ROBO2: variants seen among roughly 807,000 people sequenced by gnomAD.
ROBO2 encodes the protein roundabout homolog 2.
In ROBO2, 53 loss-of-function variants were observed where a neutral mutation model predicts 160.8. That is an observed-to-expected ratio of 0.33 (90% CI 0.26 to 0.41). The LOEUF (loss-of-function observed/expected upper bound fraction) is 0.41, where lower values mean the gene tolerates loss of function less well. Ranked by LOEUF, ROBO2 falls within the 10% of genes least tolerant of loss-of-function variation. The pLI is 1.00. For synonymous variants in ROBO2, 664 were observed against 611.7 expected (o/e 1.09, Z -1.26); for missense variants, 1,577 against 1,722.4 (o/e 0.92, Z 1.49).
intron 2 of ROBO2, among the ~76,000 whole-genome samples, chr3:76,136,252 G>A (rs1229606012): frequency 6.6e-6 from 1 of 152,082 alleles, no homozygotes; most frequent in Non-Finnish European, 1.5e-5. Context: ...GAAGTTGACA[G>A]TGCTGTAAGA....
At chr3:75,937,841 T>TTTTATATATATATATATA (rs1222398160) in intron 2 of ROBO2, among the ~76,000 whole-genome samples, 1 of 105,526 alleles carries the variant, frequency 9.5e-6, no homozygotes, top group Non-Finnish European at 1.8e-5. Flanking sequence ...GGAATTGATT[T>TTTTATATATATATATATA]TATATATATA....
At chr3:76,968,492 A>T (rs2149270718) in intron 2 of ROBO2, among the ~76,000 whole-genome samples, 1 of 152,278 alleles carries the variant, frequency 6.6e-6, no homozygotes, top group East Asian at 1.9e-4. Flanking sequence ...TCAATAGTTA[A>T]GTTATTGTTT....
At chr3:76,690,876 T>G (rs1187930077) in intron 2 of ROBO2, among the ~76,000 whole-genome samples, 1 of 152,042 alleles carries the variant, frequency 6.6e-6, no homozygotes, top group Non-Finnish European at 1.5e-5. Context: ...TGCATGTGCC[T>G]TCTAAAACTC....
At chr3:76,973,682 G>A (rs912183737) in intron 2 of ROBO2, among the ~76,000 whole-genome samples, 7 of 152,036 alleles carry the variant, frequency 4.6e-5, no homozygotes, top group Admixed American at 2.6e-4. Context: ...TTTTCTGAAC[G>A]TTAGATTTCT....
intron 2 of ROBO2, among the ~76,000 whole-genome samples, chr3:77,313,000 A>T (rs2063677927): frequency 6.6e-6 from 1 of 152,214 alleles, no homozygotes; most frequent in Non-Finnish European, 1.5e-5. Context: ...ATTTCTTAAA[A>T]TTTCTAATTG....
In ROBO2 at chr3:76,886,046, G is replaced by A. The variant is rs1442265895; in HGVS notation, c.110-211968G>A. Reference sequence around the variant, plus strand: ...TTCCCCCAAGGTAGACTGAGGTACAGCAGTTCATGCCGCCTTTTGAAGATG... The same window carrying A: ...TTCCCCCAAGGTAGACTGAGGTACAACAGTTCATGCCGCCTTTTGAAGATG... On this transcript the variant is annotated intron_variant, in intron 2 of 26. Coordinates refer to the ROBO2 transcript ENST00000487694. Among the ~76,000 whole-genome samples the A allele has an allele frequency of 2.0e-5, 3 of 152,152 alleles. No individual in the cohort carries two copies. The East Asian group carries it at 5.8e-4, about 29-fold the overall frequency.
At chr3:77,483,009 G>A (rs1181019648) in intron 4 of ROBO2, among the ~76,000 whole-genome samples, 2 of 152,100 alleles carry the variant, frequency 1.3e-5, no homozygotes, top group Admixed American at 1.3e-4. Flanking sequence ...GAAATGATGA[G>A]AACTACTGGG....
chr3:77,522,344 T>C (rs2090688667), intron 5 of ROBO2, among the ~76,000 whole-genome samples: 1 of 151,332 alleles, frequency 6.6e-6, no homozygotes, highest in African/African-American at 2.4e-5. Flanking sequence ...AAAATTTTGT[T>C]CTTTAATATA....
intron 2 of ROBO2, among the ~76,000 whole-genome samples, chr3:77,310,859 A>AT (rs2153422139): frequency 6.6e-6 from 1 of 152,090 alleles, no homozygotes; most frequent in African/African-American, 2.4e-5. Flanking sequence ...AAGTGAAAAA[A>AT]AAAAAATAAA....
rs187918861 is a variant in ROBO2, at chr3:77,334,670, T to C, written c.389-142744T>C. On this transcript the variant is annotated intron_variant, in intron 2 of 25. Transcript: ENST00000461745. ...GAGGCAATAGCTCTCTAGTAGTGCT[T>C]GGGGTAGTGACAGATACTTTCAAGA... Among the ~76,000 whole-genome samples, 660 of 152,170 alleles carry C rather than the reference T, an allele frequency of 4.3e-3. 1 individual carries two copies. Among genetic ancestry groups the C allele is most frequent in the Non-Finnish European group, 6.0e-3 (411 of 68,002 alleles).
chr3:77,344,861 A>T (rs79867095), intron 2 of ROBO2, among the ~76,000 whole-genome samples: 1 of 152,126 alleles, frequency 6.6e-6, no homozygotes, highest in Non-Finnish European at 1.5e-5. Flanking sequence ...TGTTTTCTCC[A>T]TGAACATACT....
intron 2 of ROBO2, among the ~76,000 whole-genome samples, chr3:76,215,632 C>G (rs1425424322): frequency 1.3e-5 from 2 of 152,128 alleles, no homozygotes; most frequent in African/African-American, 4.8e-5. Context: ...AAGAAATGAA[C>G]AAAGACTCCA....
At chr3:77,645,939 C>T in intron 25 of ROBO2, 115 bp from the exon 28 acceptor site, 2 of 630,246 alleles carry the variant, frequency 3.2e-6, no homozygotes, top group East Asian at 5.8e-5. Context: ...ACAAACTCAT[C>T]TATCTGAAGA....
chr3:77,364,805 G>A (rs1256752253), intron 2 of ROBO2, among the ~76,000 whole-genome samples: 2 of 152,154 alleles, frequency 1.3e-5, no homozygotes, highest in East Asian at 1.9e-4. Flanking sequence ...GATGGGAGAG[G>A]AGAATGTGAA....
rs183899488 is a variant in ROBO2, at chr3:77,584,944, A to G, written c.2501-3807A>G. Among the ~76,000 whole-genome samples the G allele has an allele frequency of 1.2e-3, 183 of 149,346 alleles. 1 individual carries two copies. Among genetic ancestry groups the G allele is most frequent in the Non-Finnish European group, 2.0e-3 (134 of 67,450 alleles). On this transcript the variant is annotated intron_variant, in intron 16 of 25. Transcript: ENST00000461745. ...CATACATATATATACATATATATATATACACACACACATATATATACACAC... is the reference window on the plus strand; with the variant it reads ...CATACATATATATACATATATATATGTACACACACACATATATATACACAC...
At chr3:76,981,583 T>A (rs1405656055) in intron 2 of ROBO2, among the ~76,000 whole-genome samples, 24 of 152,202 alleles carry the variant, frequency 1.6e-4, no homozygotes, top group Admixed American at 1.6e-3. Flanking sequence ...TTGCAATAAC[T>A]TTCTAATATT....
At chr3:76,316,523 A>G (rs955304251) in intron 2 of ROBO2, among the ~76,000 whole-genome samples, 4 of 152,042 alleles carry the variant, frequency 2.6e-5, no homozygotes, top group African/African-American at 9.7e-5. Context: ...AATCGCTGTT[A>G]TTCTGTTCTT....
rs76174647 is a variant in ROBO2, at chr3:76,613,475, T to C, written c.110-484539T>C. Among the ~76,000 whole-genome samples the C allele has an allele frequency of 2.7e-3, 404 of 152,250 alleles. 6 individuals are homozygous for C. Among genetic ancestry groups the C allele is most frequent in the African/African-American group, 9.5e-3 (394 of 41,562 alleles). Reference sequence around the variant, plus strand: ...TGTCAGCATTAAATGTCTTTTGTAATGTACACCAATAGCTCATAGCACACT... The same window carrying C: ...TGTCAGCATTAAATGTCTTTTGTAACGTACACCAATAGCTCATAGCACACT... On this transcript the variant is annotated intron_variant, in intron 2 of 26. Transcript: ENST00000487694.
Position 76,544,939 on chromosome 3 carries a change from C to T in ROBO2, c.110-553075C>T, listed in dbSNP as rs752768011. ...TTCTTTTCTAGTTCGGACTCCTATA[C>T]GCAATTGCACAAGTCCATGGACAAG... is the stretch of plus-strand genomic sequence containing the variant. On this transcript the variant is annotated intron_variant, in intron 2 of 26. Transcript: ENST00000487694. Among the ~76,000 whole-genome samples, 7 of 151,944 alleles carry T rather than the reference C, an allele frequency of 4.6e-5. No individual in the cohort carries two copies. In the East Asian group the frequency reaches 5.8e-4, roughly 13 times the overall value.
Sources: gnomAD v4.1 joint callset for allele counts (sites outside exome capture counted in the v4.1 genomes callset) on GRCh38, gnomAD v4.1.1 for gene constraint, MANE v1.5 for transcripts, NCBI Gene and HGNC (gene_info 2026-07-23, HGNC 2026-07-21) for gene names.